The following ATP1A4 variants were observed in gnomAD, a reference collection of about 807,000 sequenced individuals.
The protein encoded by ATP1A4 is ATPase Na+/K+ transporting subunit alpha 4.
In ATP1A4, 90 loss-of-function variants were observed where a neutral mutation model predicts 114.3. The observed-to-expected ratio is 0.79, with a 90% CI of 0.66 to 0.94. The LOEUF is 0.94. ATP1A4 is among the 40% of genes least tolerant of loss of function. ATP1A4 has a pLI of 0.00. For synonymous variants in ATP1A4, 511 were observed against 494.1 expected (o/e 1.03, Z -0.45); for missense variants, 1,222 against 1,313.6 (o/e 0.93, Z 1.08).
At position 160,155,395 on chromosome 1, in the gene ATP1A4, T is replaced by C. The variant is rs879336715; in HGVS notation, c.411+147T>C. ...AATGTAATAATGTAATAAATGTACA[T>C]TAATTATAAATGTAATTGATTGTAA... On this transcript the variant is annotated intron_variant, in intron 3 of 21. Transcript: ENST00000368081. 40 of 546,236 alleles carry C rather than the reference T, an allele frequency of 7.3e-5. No individual in the cohort carries two copies. In the Admixed American group the frequency reaches 1.3e-3, roughly 17 times the overall value. The allele number at this position is 546,236 out of a possible 1,614,324, so 33.8% of individuals were successfully genotyped here.
At chr1:160,186,479 G>T in intron 21 of ATP1A4, 112 bp downstream of exon 21, 1 of 1,094,258 alleles carries the variant, frequency 9.1e-7, no homozygotes, top group Non-Finnish European at 1.4e-6. Context: ...CCTCCTCGCT[G>T]CCAGCCTTGA....
At chr1:160,160,185 A>G (rs1470836705) in intron 6 of ATP1A4, among the ~76,000 whole-genome samples, 1 of 152,178 alleles carries the variant, frequency 6.6e-6, no homozygotes, top group Non-Finnish European at 1.5e-5. Context: ...GCTTAAGAAC[A>G]AATGTTTGGT....
rs770255327 is a variant in ATP1A4, at chr1:160,153,094, T to A, written c.148-71T>A. 4.8e-6 allele frequency: 6 copies of A among 1,247,176 alleles called. No individual in the cohort carries two copies. The South Asian group carries it at 7.2e-5, about 15-fold the overall frequency. The allele number at this position is 1,247,176 out of a possible 1,614,324, so 77.3% of individuals were successfully genotyped here. A position where few individuals can be genotyped will look rare whatever the true frequency, so the allele number is the denominator to read the frequency against. ...CAGTTTGGACTAACATTCTCCAGTCTGTTTCTCCCCCTCTCCCTGGAAATG... is the reference window on the plus strand; with the variant it reads ...CAGTTTGGACTAACATTCTCCAGTCAGTTTCTCCCCCTCTCCCTGGAAATG... On this transcript the variant is annotated intron_variant, in intron 1 of 21. Transcript: ENST00000368081.
intron 14 of ATP1A4, 116 bp downstream of exon 14, chr1:160,174,377 C>T (rs1294125588): frequency 1.9e-5 from 28 of 1,450,220 alleles, no homozygotes; most frequent in African/African-American, 2.8e-5. Context: ...GAGAGTACCC[C>T]ATCTGGAACC....
In ATP1A4 at chr1:160,174,034, ATAG is replaced by A. The variant is rs199553138; in HGVS notation, c.1992-75_1992-73del. ...GGTTGAAAGAAGAAGCAATGAAGCT[ATAG>A]TCAAGATGGGCACCAAGACCCCTGG... On this transcript the variant is annotated intron_variant, in intron 13 of 21. Coordinates refer to ENST00000368081, the MANE Select transcript of ATP1A4 (RefSeq NM_144699.4). 2.4e-3 allele frequency: 3,627 copies of A among 1,520,512 alleles called. 89 individuals carry two copies. The Admixed American group carries it at 0.051, about 21-fold the overall frequency. The allele number at this position is 1,520,512 out of a possible 1,614,324, so 94.2% of individuals were successfully genotyped here. A position where few individuals can be genotyped will look rare whatever the true frequency, so the allele number is the denominator to read the frequency against.
intron 10 of ATP1A4, among the ~76,000 whole-genome samples, chr1:160,168,206 A>G (rs927669851): frequency 6.6e-6 from 1 of 152,096 alleles, no homozygotes; most frequent in Non-Finnish European, 1.5e-5. Flanking sequence ...GAACAGTGAC[A>G]TTATCAGAAT....
intron 4 of ATP1A4, among the ~76,000 whole-genome samples, chr1:160,156,476 G>T (rs1420694182): frequency 6.6e-6 from 1 of 151,470 alleles, no homozygotes; most frequent in Non-Finnish European, 1.5e-5. Flanking sequence ...GGAGCGGGGT[G>T]CGGTGGGGGG....
chr1:160,170,963 TTGG>T (rs1653230984), intron 10 of ATP1A4: 1 of 301,058 alleles, frequency 3.3e-6, no homozygotes, highest in South Asian at 1.2e-4. Flanking sequence ...CGCCATCCAG[TTGG>T]CAAGGATGCA....
intron 15 of ATP1A4, among the ~76,000 whole-genome samples, chr1:160,175,109 C>G (rs972548901): frequency 6.6e-6 from 1 of 152,160 alleles, no homozygotes; most frequent in African/African-American, 2.4e-5. Context: ...GCGCTGCAAT[C>G]TTTAGGAGGG....
chr1:160,171,260 C>T lies in ATP1A4; in HGVS notation c.1501C>T (p.His501Tyr), dbSNP rs774962487. ...NSTNKYQMSI[H>Y]LREDSSQTHV... ...CCTTTGCTCTCCCTAGATGTCCATC[C>T]ACCTTCGGGAGGACAGCTCCCAGAC... The change falls in exon 11 of 22, where the codon CAC becomes TAC. Residue 501 changes from histidine (H) to tyrosine (Y), a missense_variant. Physicochemically the swap from His to Tyr is moderately conservative, Grantham distance 83. Coordinates refer to ENST00000368081, the MANE Select transcript of ATP1A4 (RefSeq NM_144699.4). 1 of 1,613,178 alleles carries T rather than the reference C, an allele frequency of 6.2e-7. No individual in the cohort carries two copies. The highest frequency in any genetic ancestry group is 8.5e-7 in the Non-Finnish European group (1 of 1,179,430).
intron 6 of ATP1A4, among the ~76,000 whole-genome samples, chr1:160,160,352 G>T (rs1181901340): frequency 1.3e-5 from 2 of 152,020 alleles, no homozygotes; most frequent in African/African-American, 4.8e-5. Flanking sequence ...GAGTAGCTGG[G>T]ATTACAGGTG....
Position 160,174,244 on chromosome 1 carries a change from G to T in ATP1A4, c.2125G>T (p.Glu709Ter). The T allele has an allele frequency of 6.2e-7, 1 of 1,614,080 alleles. No homozygotes were observed. Among genetic ancestry groups the T allele is most frequent in the Non-Finnish European group, 8.5e-7 (1 of 1,180,018 alleles). ...TSPQQKLIIV[E>*]GCQRLGAVVA... ...CCCTCAGCAGAAGCTCATCATTGTC[G>T]AGGGATGTCAGAGGCTGGTAAGGAA... The change falls in exon 14 of 22, where the codon GAG becomes TAG. Residue 709 changes from glutamate (E) to a stop codon, truncating the protein, a stop_gained. Coordinates refer to ENST00000368081, the MANE Select transcript of ATP1A4 (RefSeq NM_144699.4). LOFTEE classifies it high-confidence loss of function.
chr1:160,177,186 G>A (rs1431537402), intron 17 of ATP1A4, among the ~76,000 whole-genome samples: 1 of 152,180 alleles, frequency 6.6e-6, no homozygotes, highest in Admixed American at 6.5e-5. Context: ...AGAAAATAGG[G>A]TGAGTGATGA....
In ATP1A4 at chr1:160,174,744, G is replaced by A; in HGVS notation, c.2308G>A (p.Glu770Lys). The part of the protein sequence containing the change: ...NFASIVTGVE[E>K]GRLIFDNLKK... ...TGCCTCCATCGTCACGGGGGTGGAG[G>A]AGGGTGAGGAGGCAGGGTGCCCATG... is the stretch of plus-strand genomic sequence containing the variant. Residue 770 changes from glutamate to lysine, a missense_variant, in exon 15 of 22, where the codon GAG becomes AAG. Physicochemically the swap from Glu to Lys is moderately conservative, Grantham distance 56. Coordinates refer to ENST00000368081, the MANE Select transcript of ATP1A4 (RefSeq NM_144699.4). 1.9e-6 allele frequency: 3 copies of A among 1,614,008 alleles called. No individual in the cohort carries two copies. Among genetic ancestry groups the A allele is most frequent in the Non-Finnish European group, 1.7e-6 (2 of 1,180,028 alleles).
intron 20 of ATP1A4, among the ~76,000 whole-genome samples, chr1:160,185,598 C>G (rs977079627): frequency 1.2e-4 from 18 of 151,928 alleles, no homozygotes; most frequent in Non-Finnish European, 2.2e-4. Flanking sequence ...CCGGTCTGGG[C>G]AACATGGCGA....
At chr1:160,164,523 G>A (rs13373880) in intron 7 of ATP1A4, 99 bp downstream of exon 7, 4 of 1,266,748 alleles carry the variant, frequency 3.2e-6, no homozygotes, top group African/African-American at 1.5e-5. Context: ...TTCAAGTGCA[G>A]GGTCTTCCTG....
chr1:160,178,012 C>T (rs1372145239), intron 18 of ATP1A4, among the ~76,000 whole-genome samples: 2 of 152,208 alleles, frequency 1.3e-5, no homozygotes, highest in African/African-American at 2.4e-5. Context: ...GAAATAAATG[C>T]TGGGTCCTCT....
At chr1:160,171,882 CT>C in intron 12 of ATP1A4, 125 bp downstream of exon 12, 1 of 996,310 alleles carries the variant, frequency 1.0e-6, no homozygotes, top group Non-Finnish European at 1.4e-6. Flanking sequence ...TTTCCTTGGG[CT>C]TATGATTTTT....
intron 1 of ATP1A4, 109 bp downstream of exon 1, chr1:160,152,296 T>G: frequency 6.9e-5 from 87 of 1,269,238 alleles, no homozygotes; most frequent in Non-Finnish European, 7.8e-5. Context: ...GCCACATCTC[T>G]TCTCTGTTAG....
Sources: allele counts gnomAD v4.1 joint callset (sites outside exome capture counted in the v4.1 genomes callset), GRCh38; gene constraint gnomAD v4.1.1; transcripts MANE v1.5; gene names NCBI Gene and HGNC (gene_info 2026-07-23, HGNC 2026-07-21).